The following HYDIN variants were observed in gnomAD, a reference collection of about 807,000 sequenced individuals.
HYDIN encodes HYDIN axonemal central pair apparatus protein.
Under a neutral mutation model 403.9 loss-of-function variants are expected in HYDIN, and 132 were observed. The observed-to-expected ratio is 0.33, with a 90% CI of 0.28 to 0.38. HYDIN has a LOEUF of 0.38. Ranked by LOEUF, HYDIN falls within the 10% of genes least tolerant of loss-of-function variation. The probability of loss-of-function intolerance (pLI) is 1.00; values close to 1 mark genes in which losing one functional copy is unlikely to be tolerated. For synonymous variants in HYDIN, 1,202 were observed against 1,891.7 expected, an observed-to-expected ratio of 0.64 and a Z score of 9.46; for missense variants, 2,827 against 5,009.5, an observed-to-expected ratio of 0.56 and a Z score of 13.15.
chr16:71,215,479 T>C (rs2088830531), intron 1 of HYDIN, among the ~76,000 whole-genome samples: 1 of 152,078 alleles, frequency 6.6e-6, no homozygotes, highest in East Asian at 1.9e-4. Context: ...GCTCTTATGC[T>C]AAAACTTTGG....
intron 13 of HYDIN, among the ~76,000 whole-genome samples, chr16:71,073,982 T>C (rs1353316732): frequency 6.6e-6 from 1 of 152,094 alleles, no homozygotes; most frequent in Non-Finnish European, 1.5e-5. Flanking sequence ...CCACCACCCA[T>C]CTATCTCAAC....
intron 85 of HYDIN, 23 bp from the exon 86 acceptor site, chr16:70,808,085 C>A (rs781679044): frequency 1.3e-6 from 2 of 1,579,448 alleles, no homozygotes; most frequent in South Asian, 1.2e-5. Context: ...CAAACAAACT[C>A]AGCTCACGTG....
intron 75 of HYDIN, among the ~76,000 whole-genome samples, chr16:70,847,715 G>C (rs1180539087): frequency 1.3e-5 from 2 of 151,698 alleles, no homozygotes; most frequent in Non-Finnish European, 2.9e-5. Context: ...CTGCCTTCCA[G>C]ATGATCTGTC....
intron 20 of HYDIN, chr16:71,027,400 G>A (rs2080745976): frequency 6.9e-7 from 1 of 1,454,164 alleles, no homozygotes; most frequent in Non-Finnish European, 9.0e-7. Flanking sequence ...TGGGTTCACA[G>A]TAGCTACAGA....
intron 1 of HYDIN, among the ~76,000 whole-genome samples, chr16:71,193,871 T>C (rs1559419): frequency 0.35 from 53,170 of 152,026 alleles, 9,772 homozygotes; most frequent in East Asian, 0.57. Flanking sequence ...CCATCTTCTA[T>C]TCCCAAGCCC....
chr16:70,832,752 G>A, intron 80 of HYDIN, 96 bp downstream of exon 80: 2 of 887,018 alleles, frequency 2.3e-6, no homozygotes, highest in South Asian at 1.5e-5. Context: ...CCTCGTGGAG[G>A]GAGGGGGCAG....
At chr16:71,004,232 T>C (rs1056221198) in intron 23 of HYDIN, among the ~76,000 whole-genome samples, 1 of 151,240 alleles carries the variant, frequency 6.6e-6, no homozygotes, top group African/African-American at 2.4e-5. Context: ...GAGAATCGCT[T>C]GAACCTGGGA....
intron 50 of HYDIN, among the ~76,000 whole-genome samples, chr16:70,905,831 C>T (rs929936303): frequency 5.9e-5 from 9 of 151,736 alleles, no homozygotes; most frequent in Non-Finnish European, 1.3e-4. Flanking sequence ...CTCCTACTCC[C>T]AGACTGTTCT....
rs987036332 is a variant in HYDIN, at chr16:70,802,965, T to C, written c.*4615A>G. On this transcript the variant is annotated 3_prime_UTR_variant, in exon 86 of 86. Coordinates refer to ENST00000393567, the MANE Select transcript of HYDIN (RefSeq NM_001270974.2). ...TTTGGTTTTAGGATTTTGATGATGGTTGATGAAAAACACTGAAAAAATGTA... is the reference window on the plus strand; with the variant it reads ...TTTGGTTTTAGGATTTTGATGATGGCTGATGAAAAACACTGAAAAAATGTA... 1 of 152,224 alleles carries C rather than the reference T, an allele frequency of 6.6e-6. No individual in the cohort carries two copies. The highest frequency in any genetic ancestry group is 1.5e-5 in the Non-Finnish European group (1 of 68,044). 9.4% of individuals were successfully genotyped at this position (152,224 alleles called of 1,614,324 possible). A position where few individuals can be genotyped will look rare whatever the true frequency, so the allele number is the denominator to read the frequency against.
At chr16:71,148,630 T>C (rs568019627) in intron 7 of HYDIN, among the ~76,000 whole-genome samples, 131 of 151,688 alleles carry the variant, frequency 8.6e-4, no homozygotes, top group Non-Finnish European at 1.5e-3. Context: ...TTAAAATAGA[T>C]AAACTGTACT....
chr16:70,885,848 G>T (rs1469440054), intron 58 of HYDIN, among the ~76,000 whole-genome samples: 1 of 152,030 alleles, frequency 6.6e-6, no homozygotes, highest in Non-Finnish European at 1.5e-5. Context: ...CACTTGAAAA[G>T]ACATAAAAAC....
chr16:71,068,690 A>G (rs2082355060), intron 14 of HYDIN, among the ~76,000 whole-genome samples: 1 of 152,174 alleles, frequency 6.6e-6, no homozygotes, highest in Non-Finnish European at 1.5e-5. Context: ...AACCAAGGCA[A>G]AGCACTATCC....
chr16:70,905,443 A>G (rs2143768595), intron 50 of HYDIN, among the ~76,000 whole-genome samples: 1 of 151,860 alleles, frequency 6.6e-6, no homozygotes, highest in South Asian at 2.1e-4. Flanking sequence ...GGAGTTCGAG[A>G]CCAGCCTGGG....
At chr16:70,834,903 C>G (rs1326199289) in intron 78 of HYDIN, among the ~76,000 whole-genome samples, 1 of 144,004 alleles carries the variant, frequency 6.9e-6, no homozygotes, top group Non-Finnish European at 1.5e-5. Flanking sequence ...TATATATATA[C>G]ACACACACAT....
At chr16:70,857,586 T>C in intron 72 of HYDIN, 119 bp downstream of exon 72, 1 of 1,258,208 alleles carries the variant, frequency 7.9e-7, no homozygotes, top group East Asian at 2.5e-5. Context: ...ATTGAGACCC[T>C]CTGATATGCT....
intron 84 of HYDIN, among the ~76,000 whole-genome samples, chr16:70,812,963 A>G (rs531157626): frequency 2.6e-5 from 4 of 151,360 alleles, no homozygotes; most frequent in Admixed American, 6.6e-5. Context: ...TTCTTTTTTT[A>G]TTTTTTTGAG....
In HYDIN at chr16:71,085,277, C is replaced by G. The variant is rs562834851; in HGVS notation, c.1670+3024G>C. ...GGTTGGAATATATTACAGGTCTATT[C>G]AGATTTTCTATTTCTTCTTGAGTCA... On this transcript the variant is annotated intron_variant, in intron 12 of 85. Coordinates refer to ENST00000393567, the MANE Select transcript of HYDIN (RefSeq NM_001270974.2). 1.7e-4 allele frequency among the ~76,000 whole-genome samples: 16 copies of G among 94,074 alleles called. No homozygotes were observed. In the East Asian group the frequency reaches 4.1e-3, roughly 24 times the overall value. The allele number at this position is 94,074 out of a possible 152,430, so 61.7% of individuals were successfully genotyped here.
At position 71,074,725 on chromosome 16, in the gene HYDIN, A is replaced by AG. The variant is rs1172661346; in HGVS notation, c.1738+5159_1738+5160insC. Among the ~76,000 whole-genome samples the AG allele has an allele frequency of 4.6e-5, 7 of 151,062 alleles. No homozygotes were observed. In the East Asian group the frequency reaches 5.8e-4, roughly 13 times the overall value. On this transcript the variant is annotated intron_variant, in intron 13 of 85. Coordinates refer to ENST00000393567, the MANE Select transcript of HYDIN (RefSeq NM_001270974.2). ...AAAACACCAAAAAAAAAAAAAAAAA[A>AG]AAAGAAAAGAAAGTTTCAAATGCCT...
intron 58 of HYDIN, among the ~76,000 whole-genome samples, chr16:70,884,464 T>C (rs978368864): frequency 6.6e-6 from 1 of 151,930 alleles, no homozygotes; most frequent in Admixed American, 6.6e-5. Flanking sequence ...AATGGCGTAG[T>C]GGGTGAGGTT....
Sources: allele counts gnomAD v4.1 joint callset (sites outside exome capture counted in the v4.1 genomes callset), GRCh38; gene constraint gnomAD v4.1.1; transcripts MANE v1.5; gene names NCBI Gene and HGNC (gene_info 2026-07-23, HGNC 2026-07-21).